The following CYS1 variants were observed in gnomAD, a reference collection of about 807,000 sequenced individuals.
The protein encoded by CYS1 is cystin-1.
Under a neutral mutation model 9.6 loss-of-function variants are expected in CYS1, and 5 were observed. The observed-to-expected ratio is 0.52, with a 90% confidence interval of 0.27 to 1.10. The LOEUF is 1.10. Ranked by LOEUF, CYS1 falls within the 50% of genes least tolerant of loss-of-function variation. The pLI is 0.11. For missense variants in CYS1, 221 were observed against 207.9 expected (o/e 1.06, Z -0.39); for synonymous variants, 88 against 95.7 (o/e 0.92, Z 0.47).
At chr2:10,061,210 C>A in intron 2 of CYS1, among the ~76,000 whole-genome samples, 1 of 152,222 alleles carries the variant, frequency 6.6e-6, no homozygotes, top group East Asian at 1.9e-4. Flanking sequence ...CCAGCCTGGA[C>A]GACAGAACAA....
chr2:10,073,220 C>T (rs7423478), intron 1 of CYS1, among the ~76,000 whole-genome samples: 44,505 of 143,276 alleles, frequency 0.31, 8,268 homozygotes, highest in East Asian at 0.63. Context: ...CCCCCCCCCC[C>T]CCCCCGGCTG....
chr2:10,066,292 C>T (rs1190395424), intron 1 of CYS1, among the ~76,000 whole-genome samples: 2 of 151,940 alleles, frequency 1.3e-5, no homozygotes, highest in Admixed American at 6.6e-5. Flanking sequence ...GAGGGCACCC[C>T]GTGTGTCACC....
In CYS1 at chr2:10,058,926, C is replaced by T. The variant is rs747097449; in HGVS notation, c.404G>A (p.Arg135Lys). The change falls in exon 3 of 3, where the codon AGG becomes AAG. Residue 135 changes from arginine to lysine, a missense_variant. Physicochemically the swap from Arg to Lys is conservative, Grantham distance 26. Coordinates refer to ENST00000381813, the MANE Select transcript of CYS1 (RefSeq NM_001037160.3). Reference protein sequence around the residue: ...APGSGRKKPERPAAISYDHSE... With the variant: ...APGSGRKKPEKPAAISYDHSE... Reference sequence around the variant, plus strand: ...GTGGTCGTAGGAGATGGCTGCCGGCCTCTCGGGCTTCTTGCGACCGCTGCC... The same window carrying T: ...GTGGTCGTAGGAGATGGCTGCCGGCTTCTCGGGCTTCTTGCGACCGCTGCC... 21 of 1,593,728 alleles carry T rather than the reference C, an allele frequency of 1.3e-5. No homozygotes were observed. The highest frequency in any genetic ancestry group is 3.5e-5 in the Admixed American group (2 of 57,648).
Position 10,066,854 on chromosome 2 carries a change from G to C in CYS1, c.319-898C>G, listed in dbSNP as rs148144661. On this transcript the variant is annotated intron_variant, in intron 1 of 2. Transcript: ENST00000381813. ...GAAAAAAACCTTGGGGATTTTTCTA[G>C]GGTTGTATTAAACTATAGATCATTT... Among the ~76,000 whole-genome samples, 799 of 152,244 alleles carry C rather than the reference G, an allele frequency of 5.2e-3. 9 individuals are homozygous for C. Among genetic ancestry groups the C allele is most frequent in the African/African-American group, 0.018 (756 of 41,524 alleles).
intron 2 of CYS1, among the ~76,000 whole-genome samples, chr2:10,065,437 G>A (rs116089959): frequency 2.3e-3 from 347 of 152,302 alleles, no homozygotes; most frequent in African/African-American, 8.2e-3. Flanking sequence ...GATTTTAAAG[G>A]AGGAAATGAG....
chr2:10,074,356 C>T (rs1661814635), intron 1 of CYS1, among the ~76,000 whole-genome samples: 1 of 152,226 alleles, frequency 6.6e-6, no homozygotes, highest in African/African-American at 2.4e-5. Context: ...AACTCACTTT[C>T]CCTTGCTTGT....
At position 10,066,319 on chromosome 2, in the gene CYS1, C is replaced by T. The variant is rs530649517; in HGVS notation, c.319-363G>A. Among the ~76,000 whole-genome samples, 16 of 152,274 alleles carry T rather than the reference C, an allele frequency of 1.1e-4. No individual in the cohort carries two copies. In the East Asian group the frequency reaches 3.1e-3, roughly 29 times the overall value. On this transcript the variant is annotated intron_variant, in intron 1 of 2. Transcript: ENST00000381813. ...TGTGTCACCTCCAGGGATCTTGGGA[C>T]CCACCGCCACCTAGCACGAGGGCAC...
chr2:10,064,414 T>C (rs1461212153), intron 2 of CYS1, among the ~76,000 whole-genome samples: 1 of 152,054 alleles, frequency 6.6e-6, no homozygotes, highest in Non-Finnish European at 1.5e-5. Flanking sequence ...TGATGGAAAC[T>C]CTAAAGTCCC....
At chr2:10,072,961 TGCAGATGTGTGGGAGCAGA>T (rs1394999457) in intron 1 of CYS1, among the ~76,000 whole-genome samples, 1 of 143,048 alleles carries the variant, frequency 7.0e-6, no homozygotes, top group Non-Finnish European at 1.5e-5. Flanking sequence ...GGGGGAGCAG[TGCAGATGTGTGGGAGCAGA>T]GCAGATGTGT....
intron 2 of CYS1, among the ~76,000 whole-genome samples, chr2:10,059,251 C>A (rs944913418): frequency 6.6e-6 from 1 of 152,258 alleles, no homozygotes; most frequent in African/African-American, 2.4e-5. Context: ...CCCAGCTCTG[C>A]GGCTCACCCG....
chr2:10,065,851 T>C, intron 2 of CYS1, 53 bp downstream of exon 2: 2 of 1,589,206 alleles, frequency 1.3e-6, no homozygotes, highest in South Asian at 1.1e-5. Context: ...CTGGCTGGAG[T>C]CAACAAAAAG....
chr2:10,079,110 A>G (rs1661900611), intron 1 of CYS1, among the ~76,000 whole-genome samples: 1 of 152,188 alleles, frequency 6.6e-6, no homozygotes, highest in Non-Finnish European at 1.5e-5. Context: ...AGGAGCAGGG[A>G]ACCAGGGCCA....
Position 10,057,934 on chromosome 2 carries a change from C to T in CYS1, c.*919G>A, listed in dbSNP as rs1469833352. ...CCTGCCTCACTGCTGTGGTTTCCCA[C>T]CTTCCACCCAGGCAGGAAGAGAATT... On this transcript the variant is annotated 3_prime_UTR_variant, in exon 3 of 3. Coordinates refer to ENST00000381813, the MANE Select transcript of CYS1 (RefSeq NM_001037160.3). The T allele has an allele frequency of 1.3e-5, 2 of 152,354 alleles. No homozygotes were observed. Among genetic ancestry groups the T allele is most frequent in the Non-Finnish European group, 2.9e-5 (2 of 68,118 alleles). 9.4% of individuals were successfully genotyped at this position (152,354 alleles called of 1,614,324 possible).
At chr2:10,064,637 T>G (rs993094352) in intron 2 of CYS1, among the ~76,000 whole-genome samples, 1 of 152,178 alleles carries the variant, frequency 6.6e-6, no homozygotes, top group African/African-American at 2.4e-5. Flanking sequence ...CCACACAGTG[T>G]CCCAGGAGCC....
chr2:10,065,589 C>T (rs1307337079), intron 2 of CYS1, among the ~76,000 whole-genome samples: 1 of 152,222 alleles, frequency 6.6e-6, no homozygotes, highest in Non-Finnish European at 1.5e-5. Context: ...CTGGCCACAG[C>T]GCACAGCATG....
intron 1 of CYS1, among the ~76,000 whole-genome samples, chr2:10,073,105 T>G (rs1572459903): frequency 4.7e-5 from 6 of 127,998 alleles, no homozygotes; most frequent in African/African-American, 8.9e-5. Context: ...TGTGTGGGAG[T>G]GGTGCAGATG....
At chr2:10,075,974 G>A (rs988439631) in intron 1 of CYS1, among the ~76,000 whole-genome samples, 5 of 152,140 alleles carry the variant, frequency 3.3e-5, no homozygotes, top group Non-Finnish European at 5.9e-5. Context: ...ACCACCTGAG[G>A]TCAGGAGTTC....
intron 1 of CYS1, among the ~76,000 whole-genome samples, chr2:10,068,124 T>C (rs1463057077): frequency 2.0e-5 from 3 of 152,242 alleles, no homozygotes; most frequent in African/African-American, 7.2e-5. Flanking sequence ...GTTAAACTTA[T>C]ACCATTGATA....
In CYS1 at chr2:10,080,052, G is replaced by T; in HGVS notation, c.172C>A (p.Pro58Thr). The T allele has an allele frequency of 9.6e-7, 1 of 1,046,548 alleles. No individual in the cohort carries two copies. Among genetic ancestry groups the T allele is most frequent in the Non-Finnish European group, 1.1e-6 (1 of 871,126 alleles). The allele number at this position is 1,046,548 out of a possible 1,614,324, so 64.8% of individuals were successfully genotyped here. Residue 58 changes from proline to threonine, a missense_variant, in exon 1 of 3, where the codon CCC becomes ACC. Physicochemically the swap from Pro to Thr is conservative, Grantham distance 38. Transcript: ENST00000381813. This position sits in a 1 kb window ranked among gnomAD's most constrained non-coding sequence, Gnocchi z 6.4. ...AAAEEAPGRD[P>T]SPVAPPDGRD... ...CCGTCGGGGGGCGCCACGGGGCTGG[G>T]GTCGCGGCCGGGCGCCTCCTCCGCG...
Sources: gnomAD v4.1 joint callset for allele counts (sites outside exome capture counted in the v4.1 genomes callset) on GRCh38, gnomAD v4.1.1 for gene constraint, Gnocchi (gnomAD v3.1) non-coding constraint, MANE v1.5 for transcripts, NCBI Gene and HGNC (gene_info 2026-07-23, HGNC 2026-07-21) for gene names.